Variants in NELL2 observed in about 807,000 individuals in gnomAD.
NELL2 encodes the protein neural EGFL like 2.
In NELL2, 41 loss-of-function variants were observed where a neutral mutation model predicts 109.6. The ratio of observed to expected loss-of-function variants is 0.37; its 90% CI spans 0.29 to 0.49. The LOEUF is 0.49. Ranked by LOEUF, NELL2 falls within the 20% of genes least tolerant of loss-of-function variation. The pLI, the probability that NELL2 is intolerant of heterozygous loss-of-function variation, is 0.98. For missense variants in NELL2, 900 were observed against 1,008.3 expected (o/e 0.89, Z 1.45); for synonymous variants, 355 against 344.7 (o/e 1.03, Z -0.33).
intron 15 of NELL2, among the ~76,000 whole-genome samples, chr12:44,558,834 T>C (rs1021250646): frequency 2.0e-5 from 3 of 152,004 alleles, no homozygotes; most frequent in Admixed American, 6.5e-5. Context: ...AACCGTTCAC[T>C]ACCCTGGAAA....
At chr12:44,829,804 A>G (rs996955095) in intron 2 of NELL2, among the ~76,000 whole-genome samples, 1 of 152,046 alleles carries the variant, frequency 6.6e-6, no homozygotes, top group Non-Finnish European at 1.5e-5. Context: ...TATTTCTTAA[A>G]CACACATATA....
chr12:44,828,561 T>G (rs1004225817), intron 2 of NELL2, among the ~76,000 whole-genome samples: 2 of 152,188 alleles, frequency 1.3e-5, no homozygotes, highest in Non-Finnish European at 2.9e-5. Context: ...ATACATACAT[T>G]AATATAATCA....
intron 11 of NELL2, among the ~76,000 whole-genome samples, chr12:44,706,399 C>T (rs1937880165): frequency 6.6e-6 from 1 of 152,076 alleles, no homozygotes; most frequent in Admixed American, 6.6e-5. Context: ...TAGGGAATAG[C>T]TTTAAACAAA....
In NELL2 at chr12:44,847,507, T is replaced by A. The variant is rs143113682; in HGVS notation, c.184+27718A>T. On this transcript the variant is annotated intron_variant, in intron 2 of 19. Transcript: ENST00000429094. ...ATGTGCCTTTCTAAATGCATTTACCTTAGCTAGCCTAAGCAGTCTTCTGCC... is the reference window on the plus strand; with the variant it reads ...ATGTGCCTTTCTAAATGCATTTACCATAGCTAGCCTAAGCAGTCTTCTGCC... 6.3e-3 allele frequency among the ~76,000 whole-genome samples: 954 copies of A among 151,780 alleles called. 13 individuals are homozygous for A. The highest frequency in any genetic ancestry group is 0.022 in the African/African-American group (906 of 41,342).
At chr12:44,804,323 T>C (rs1174676082) in intron 3 of NELL2, among the ~76,000 whole-genome samples, 1 of 151,952 alleles carries the variant, frequency 6.6e-6, no homozygotes, top group Non-Finnish European at 1.5e-5. Context: ...TTTATTCAGC[T>C]GTTATGAAAC....
At chr12:44,746,897 T>C (rs949853730) in intron 9 of NELL2, among the ~76,000 whole-genome samples, 4 of 152,256 alleles carry the variant, frequency 2.6e-5, no homozygotes, top group African/African-American at 2.4e-5. Flanking sequence ...GTGGCGATTC[T>C]TCAGGGATCT....
rs35241789 is a variant in NELL2, at chr12:44,827,411, GTT to G, written c.185-11277_185-11276del. On this transcript the variant is annotated intron_variant, in intron 2 of 19. Coordinates refer to ENST00000429094, the MANE Select transcript of NELL2 (RefSeq NM_001145108.2). ...TAGGTCTTCTGGTCTTCTTCTAACT[GTT>G]TTTTTTTTTTTTTTTGTACCCATTA... Among the ~76,000 whole-genome samples, 1,138 of 126,588 alleles carry G rather than the reference GTT, an allele frequency of 9.0e-3. 6 individuals carry two copies. The highest frequency in any genetic ancestry group is 0.026 in the African/African-American group (849 of 33,236). The allele number at this position is 126,588 out of a possible 152,430, so 83.0% of individuals were successfully genotyped here. A position where few individuals can be genotyped will look rare whatever the true frequency, so the allele number is the denominator to read the frequency against.
At chr12:44,800,195 G>C (rs1322121731) in intron 3 of NELL2, among the ~76,000 whole-genome samples, 2 of 151,996 alleles carry the variant, frequency 1.3e-5, no homozygotes, top group African/African-American at 4.8e-5. Context: ...TTTTAGTTCT[G>C]AATTTGGATA....
At chr12:44,869,262 T>TA (rs1163784872) in intron 2 of NELL2, among the ~76,000 whole-genome samples, 1 of 152,196 alleles carries the variant, frequency 6.6e-6, no homozygotes, top group Non-Finnish European at 1.5e-5. Context: ...CAAGCAACTT[T>TA]AAAATCCAGC....
At chr12:44,792,452 C>A (rs142832901) in intron 3 of NELL2, among the ~76,000 whole-genome samples, 100 of 151,884 alleles carry the variant, frequency 6.6e-4, no homozygotes, top group African/African-American at 2.3e-3. Flanking sequence ...AGAAAAGAAA[C>A]TGGAATAAAA....
At chr12:44,872,155 C>A (rs1358334744) in intron 2 of NELL2, among the ~76,000 whole-genome samples, 1 of 152,004 alleles carries the variant, frequency 6.6e-6, no homozygotes, top group Non-Finnish European at 1.5e-5. Flanking sequence ...CCTTTATAAC[C>A]TTTCATAGGT....
chr12:44,834,503 A>G (rs1280559822), intron 2 of NELL2, among the ~76,000 whole-genome samples: 1 of 148,804 alleles, frequency 6.7e-6, no homozygotes, highest in Non-Finnish European at 1.5e-5. Context: ...AAAACCTTAT[A>G]TATCACAAAC....
chr12:44,570,410 A>T (rs1486648283), intron 15 of NELL2, among the ~76,000 whole-genome samples: 1 of 152,176 alleles, frequency 6.6e-6, no homozygotes, highest in Non-Finnish European at 1.5e-5. Flanking sequence ...GACAAATGGG[A>T]CTGTGACAGT....
intron 1 of NELL2, among the ~76,000 whole-genome samples, chr12:44,889,062 A>G (rs998961915): frequency 6.6e-6 from 1 of 151,994 alleles, no homozygotes. Flanking sequence ...CTACATTGCC[A>G]TGCTGTACAT....
chr12:44,651,341 A>G (rs192739729), intron 13 of NELL2, among the ~76,000 whole-genome samples: 3 of 152,326 alleles, frequency 2.0e-5, no homozygotes, highest in Admixed American at 1.3e-4. Context: ...TCCAGTATTC[A>G]ATAGTTTCAC....
intron 16 of NELL2, among the ~76,000 whole-genome samples, chr12:44,531,013 A>C (rs1592076089): frequency 6.6e-6 from 1 of 152,352 alleles, no homozygotes; most frequent in Admixed American, 6.5e-5. Context: ...TGTGATCATA[A>C]ATTTGAAAGA....
At chr12:44,857,706 A>G (rs1297949015) in intron 2 of NELL2, among the ~76,000 whole-genome samples, 1 of 152,214 alleles carries the variant, frequency 6.6e-6, no homozygotes, top group African/African-American at 2.4e-5. Context: ...GTTGCTGTAG[A>G]GAGGAGCTAT....
chr12:44,668,757 C>T (rs1194650485), intron 12 of NELL2, among the ~76,000 whole-genome samples: 1 of 152,040 alleles, frequency 6.6e-6, no homozygotes, highest in Non-Finnish European at 1.5e-5. Context: ...AACCAGCATG[C>T]CCAACCCACT....
intron 15 of NELL2, among the ~76,000 whole-genome samples, chr12:44,541,509 T>C (rs142912667): frequency 1.5e-3 from 234 of 152,052 alleles, no homozygotes; most frequent in African/African-American, 5.2e-3. Flanking sequence ...GTAAAACATA[T>C]AGAAAATAGA....
Sources: gnomAD v4.1 joint callset for allele counts (sites outside exome capture counted in the v4.1 genomes callset) on GRCh38, gnomAD v4.1.1 for gene constraint, MANE v1.5 for transcripts, NCBI Gene and HGNC (gene_info 2026-07-23, HGNC 2026-07-21) for gene names.